Variants in GPX3 observed in about 807,000 individuals in gnomAD.
GPX3 encodes glutathione peroxidase 3, also known as GPx-3.
GPX3 carries 22 observed loss-of-function variants against 25.1 expected under a neutral mutation model. That is an observed-to-expected ratio of 0.88 (90% CI 0.63 to 1.25). The LOEUF (loss-of-function observed/expected upper bound fraction) is 1.25. Among genes scored for constraint, GPX3 ranks in the 50% most tolerant of loss-of-function variants. The pLI is 0.00. For missense variants in GPX3, 278 were observed against 286.6 expected (o/e 0.97, Z 0.22); for synonymous variants, 110 against 114.5 (o/e 0.96, Z 0.25).
At position 151,020,678 on chromosome 5, in the gene GPX3, C is replaced by T. The variant is rs766166494; in HGVS notation, c.24C>T (p.Ser8=). 3.1e-6 allele frequency: 5 copies of T among 1,611,352 alleles called. No individual in the cohort carries two copies. The highest frequency in any genetic ancestry group is 2.2e-5 in the South Asian group (2 of 90,830). Residue 8 remains serine, a synonymous_variant, in exon 1 of 5, where the codon TCC becomes TCT. Coordinates refer to ENST00000388825, the MANE Select transcript of GPX3 (RefSeq NM_002084.5). MARLLQA[S]CLLSLLLAGF... is the part of the protein sequence containing the mutation. ...CCATGGCCCGGCTGCTGCAGGCGTCCTGCCTGCTTTCCCTGCTCCTGGCCG... is the reference window on the plus strand; with the variant it reads ...CCATGGCCCGGCTGCTGCAGGCGTCTTGCCTGCTTTCCCTGCTCCTGGCCG...
intron 3 of GPX3, 83 bp downstream of exon 3, chr5:151,027,100 T>TTTTA: frequency 1.1e-6 from 1 of 910,720 alleles, no homozygotes; most frequent in Admixed American, 2.0e-5. Flanking sequence ...GGTGGACATT[T>TTTTA]ATCGGCCACC....
At position 151,020,751 on chromosome 5, in the gene GPX3, C is replaced by CAACATGTTAAAGA; in HGVS notation, c.87+10_87+11insAACATGTTAAAGA. ...ACAAGAGAAGTCGAAGGTGAGTGAG[C>CAACATGTTAAAGA]CTCCGGGCCGGGGGCCGGGAGAAAA... On this transcript the variant is annotated intron_variant, in intron 1 of 4. Transcript: ENST00000388825. The CAACATGTTAAAGA allele has an allele frequency of 6.2e-7, 1 of 1,609,460 alleles. No homozygotes were observed.
chr5:151,027,888 C>G, intron 4 of GPX3, 21 bp from the exon 5 acceptor site: 1 of 1,596,554 alleles, frequency 6.3e-7, no homozygotes, highest in Non-Finnish European at 8.6e-7. Context: ...AAGGTTGACA[C>G]TCCTCTTATC....
chr5:151,026,079 T>A (rs543393423), intron 2 of GPX3, among the ~76,000 whole-genome samples: 1 of 152,330 alleles, frequency 6.6e-6, no homozygotes, highest in Middle Eastern at 3.4e-3. Context: ...ACAAAGCTAT[T>A]AGCGGTGGAA....
intron 2 of GPX3, among the ~76,000 whole-genome samples, chr5:151,026,150 G>C (rs532575631): frequency 6.6e-6 from 1 of 152,288 alleles, no homozygotes; most frequent in Admixed American, 6.5e-5. Context: ...TCCCTAGCTG[G>C]GGTAGAATAC....
Position 151,028,157 on chromosome 5 carries a change from C to T in GPX3, c.*27C>T. On this transcript the variant is annotated 3_prime_UTR_variant, in exon 5 of 5. Transcript: ENST00000388825. The stretch of plus-strand genomic sequence containing the variant: ...TGAAGGCCGTCTCATCCCATGTCCA[C>T]CATGTAGGGGAGGGACTTTGTTCAG... 2.6e-6 allele frequency: 4 copies of T among 1,534,902 alleles called. No homozygotes were observed. In the South Asian group the frequency reaches 4.8e-5, roughly 18 times the overall value.
chr5:151,023,000 G>T (rs1756498725), intron 1 of GPX3, among the ~76,000 whole-genome samples: 1 of 152,138 alleles, frequency 6.6e-6, no homozygotes, highest in Non-Finnish European at 1.5e-5. Flanking sequence ...GCATCATATT[G>T]ATAGGAGTAA....
chr5:151,020,899 C>T (rs1284635812), intron 1 of GPX3, 158 bp downstream of exon 1: 10 of 724,046 alleles, frequency 1.4e-5, no homozygotes, highest in South Asian at 1.2e-4. Context: ...CCTCCGCCGC[C>T]GGGACCCCGC....
In GPX3 at chr5:151,027,025, C is replaced by T. The variant is rs1252113635; in HGVS notation, c.359+8C>T. 6.4e-7 allele frequency: 1 copy of T among 1,558,066 alleles called. No individual in the cohort carries two copies. On this transcript the variant is annotated splice_region_variant and intron_variant, in intron 3 of 4. Transcript: ENST00000388825. The stretch of plus-strand genomic sequence containing the variant: ...GATCCTTCCTACCCTCAAGTGAGTA[C>T]TCACTCAGCATCCTGAGAAAGCTCC...
At chr5:151,025,581 G>GT in intron 2 of GPX3, 88 bp downstream of exon 2, 1 of 1,193,868 alleles carries the variant, frequency 8.4e-7, no homozygotes, top group Non-Finnish European at 1.2e-6. Context: ...GGGGGAAAGG[G>GT]TGATGGCAAT....
In GPX3 at chr5:151,028,011, G is replaced by A; in HGVS notation, c.562G>A (p.Val188Met). ...CCGCTGGAACTTTGAGAAGTTCCTG[G>A]TGGGGCCAGATGGTATACCCATCAT... is the stretch of plus-strand genomic sequence containing the variant. The part of the protein sequence containing the change: ...DIRWNFEKFL[V>M]GPDGIPIMRW... Residue 188 changes from valine to methionine, a missense_variant, in exon 5 of 5, where the codon GTG becomes ATG. Transcript: ENST00000388825. 6.2e-7 allele frequency: 1 copy of A among 1,614,196 alleles called. No individual in the cohort carries two copies. The highest frequency in any genetic ancestry group is 1.3e-5 in the African/African-American group (1 of 75,046).
intron 1 of GPX3, chr5:151,021,887 C>T (rs866981747): frequency 2.6e-5 from 4 of 152,338 alleles, no homozygotes; most frequent in Middle Eastern, 6.8e-3. Context: ...TTTCTAAAAT[C>T]CTCTGGGTCT....
chr5:151,021,032 A>C, intron 1 of GPX3: 1 of 431,042 alleles, frequency 2.3e-6, no homozygotes, highest in Non-Finnish European at 4.2e-6. Context: ...CCCCACTGCC[A>C]CCTCGAGGGT....
intron 2 of GPX3, among the ~76,000 whole-genome samples, chr5:151,026,005 C>T (rs1185099812): frequency 6.6e-6 from 1 of 151,540 alleles, no homozygotes; most frequent in Non-Finnish European, 1.5e-5. Context: ...TTTAGCCTTC[C>T]CCTCTTCTCA....
rs746922788 is a variant in GPX3 at position 151,026,907 on chromosome 5, T to G, written c.249T>G (p.Asn83Lys). The G allele has an allele frequency of 1.1e-5, 17 of 1,612,482 alleles. No homozygotes were observed. Among genetic ancestry groups the G allele is most frequent in the Non-Finnish European group, 1.4e-5 (16 of 1,178,692 alleles). ...UGLTGQYIEL[N>K]ALQEELAPFG... ...TCTTTCTCTTTGGCCCAGAACTGAATGCACTACAGGAAGAGCTTGCACCAT... is the reference window on the plus strand; with the variant it reads ...TCTTTCTCTTTGGCCCAGAACTGAAGGCACTACAGGAAGAGCTTGCACCAT... The change falls in exon 3 of 5, where the codon AAT (asparagine) becomes AAG (lysine). Residue 83 changes from asparagine (N) to lysine (K), a missense_variant. By Grantham distance (94) the Asn-to-Lys change is moderately conservative. Coordinates refer to ENST00000388825, the MANE Select transcript of GPX3 (RefSeq NM_002084.5).
Position 151,028,091 on chromosome 5 carries a change from C to T in GPX3, c.642C>T (p.Tyr214=). ...ACGTCAAGATGGACATCCTGTCCTA[C>T]ATGAGGCGGCAGGCAGCCCTGGGGG... The part of the protein sequence containing the change: ...VSNVKMDILS[Y]MRRQAALGVK... Residue 214 remains tyrosine (Y), a synonymous_variant, in exon 5 of 5, where the codon TAC becomes TAT. Transcript: ENST00000388825. 6.3e-7 allele frequency: 1 copy of T among 1,599,290 alleles called. No individual in the cohort carries two copies. The highest frequency in any genetic ancestry group is 8.5e-7 in the Non-Finnish European group (1 of 1,172,434).
intron 2 of GPX3, 162 bp from the exon 3 acceptor site, chr5:151,026,735 GAGT>G: frequency 1.6e-6 from 1 of 610,510 alleles, no homozygotes. Flanking sequence ...GATAGGACCT[GAGT>G]CCCAGCATTG....
intron 1 of GPX3, chr5:151,021,342 C>T (rs979199041): frequency 2.6e-5 from 4 of 153,878 alleles, no homozygotes; most frequent in Admixed American, 6.5e-5. Flanking sequence ...CAGTGCAGAA[C>T]ACTCAGGACC....
intron 1 of GPX3, among the ~76,000 whole-genome samples, chr5:151,024,247 C>T (rs1160786615): frequency 1.3e-5 from 2 of 152,320 alleles, no homozygotes; most frequent in Middle Eastern, 3.4e-3. Flanking sequence ...TTTCCCATCA[C>T]GACCAGCCCA....
Sources: gnomAD v4.1 joint callset for allele counts (sites outside exome capture counted in the v4.1 genomes callset) on GRCh38, gnomAD v4.1.1 for gene constraint, MANE v1.5 for transcripts, NCBI Gene and HGNC (gene_info 2026-07-23, HGNC 2026-07-21) for gene names.